Variants in CNTN5 observed in about 807,000 individuals in gnomAD.
CNTN5 encodes contactin-5.
CNTN5 carries 77 observed loss-of-function variants against 129.1 expected under a neutral mutation model. The ratio of observed to expected loss-of-function variants is 0.60; its 90% CI spans 0.50 to 0.72. CNTN5 has a LOEUF of 0.72. CNTN5 is among the 30% of genes least tolerant of loss of function. The pLI, the probability that CNTN5 is intolerant of heterozygous loss-of-function variation, is 0.00. For missense variants in CNTN5, 1,478 were observed against 1,328.8 expected (o/e 1.11, Z -1.75); for synonymous variants, 509 against 465.6 (o/e 1.09, Z -1.20).
At chr11:99,610,645 G>A (rs1426213647) in intron 3 of CNTN5, among the ~76,000 whole-genome samples, 4 of 152,150 alleles carry the variant, frequency 2.6e-5, no homozygotes, top group Admixed American at 6.6e-5. Flanking sequence ...TTACTACAAG[G>A]GAACATGTGA....
chr11:99,386,320 T>C (rs977178795), intron 2 of CNTN5, among the ~76,000 whole-genome samples: 1 of 151,968 alleles, frequency 6.6e-6, no homozygotes, highest in Non-Finnish European at 1.5e-5. Flanking sequence ...AGTAAAGGAA[T>C]AAAGAATGGC....
intron 3 of CNTN5, among the ~76,000 whole-genome samples, chr11:99,664,420 C>T (rs1461728693): frequency 6.6e-6 from 1 of 151,988 alleles, no homozygotes; most frequent in African/African-American, 2.4e-5. Flanking sequence ...GAGAGATCTC[C>T]AGGATCCAGA....
chr11:99,878,483 TA>T (rs966850869), intron 6 of CNTN5, among the ~76,000 whole-genome samples: 7 of 152,142 alleles, frequency 4.6e-5, no homozygotes, highest in African/African-American at 9.6e-5. Flanking sequence ...ATGCACATTG[TA>T]AAAAAAACTA....
intron 1 of CNTN5, among the ~76,000 whole-genome samples, chr11:99,090,196 C>T (rs116689733): frequency 0.011 from 1,648 of 152,130 alleles, 38 homozygotes; most frequent in African/African-American, 0.037. Context: ...AAAGAGACAA[C>T]GGGGATATTC....
At chr11:99,557,301 A>G (rs891946805) in intron 3 of CNTN5, among the ~76,000 whole-genome samples, 2 of 151,300 alleles carry the variant, frequency 1.3e-5, no homozygotes, top group Non-Finnish European at 3.0e-5. Context: ...CAAGATATGT[A>G]TTTATGATCA....
chr11:100,177,408 T>C lies in CNTN5; in HGVS notation c.1581-13718T>C, dbSNP rs117266909. On this transcript the variant is annotated intron_variant, in intron 13 of 24. Coordinates refer to ENST00000524871, the MANE Select transcript of CNTN5 (RefSeq NM_014361.4). ...TCTAACTCTTCCTTTCACACTGTGG[T>C]ACCTGAGGGTAGGAACTGGGTCATA... is the stretch of plus-strand genomic sequence containing the variant. Among the ~76,000 whole-genome samples, 1,158 of 152,220 alleles carry C rather than the reference T, an allele frequency of 7.6e-3. 11 individuals carry two copies. Among genetic ancestry groups the C allele is most frequent in the Non-Finnish European group, 8.2e-3 (558 of 68,008 alleles).
intron 8 of CNTN5, among the ~76,000 whole-genome samples, chr11:99,995,493 G>A (rs181199610): frequency 2.0e-5 from 3 of 152,086 alleles, no homozygotes; most frequent in Non-Finnish European, 4.4e-5. Flanking sequence ...TGGTTTTCTC[G>A]CCAAAGGTAG....
chr11:99,451,676 C>CA (rs1322146041), intron 2 of CNTN5, among the ~76,000 whole-genome samples: 1 of 152,104 alleles, frequency 6.6e-6, no homozygotes, highest in African/African-American at 2.4e-5. Context: ...ATTATCCTTA[C>CA]AGTTGATGTA....
chr11:100,083,084 G>A (rs1400371195), intron 13 of CNTN5, among the ~76,000 whole-genome samples: 8 of 152,082 alleles, frequency 5.3e-5, no homozygotes, highest in Non-Finnish European at 1.5e-5. Context: ...GGGAGGCTGA[G>A]GCAGGCGGAT....
At chr11:100,285,563 C>G (rs986561558) in intron 18 of CNTN5, among the ~76,000 whole-genome samples, 4 of 152,174 alleles carry the variant, frequency 2.6e-5, no homozygotes, top group Non-Finnish European at 4.4e-5. Flanking sequence ...GTAGCACAGA[C>G]AAGGCGAAAG....
chr11:99,570,671 G>A (rs1949148373), intron 3 of CNTN5, among the ~76,000 whole-genome samples: 1 of 152,118 alleles, frequency 6.6e-6, no homozygotes, highest in African/African-American at 2.4e-5. Context: ...CAAAATCCCT[G>A]TCTTTCTGGA....
intron 3 of CNTN5, among the ~76,000 whole-genome samples, chr11:99,710,834 A>G (rs1954955463): frequency 6.6e-6 from 1 of 151,874 alleles, no homozygotes; most frequent in South Asian, 2.1e-4. Context: ...TAGTTATAAA[A>G]TCCTTTAGAA....
intron 6 of CNTN5, among the ~76,000 whole-genome samples, chr11:99,881,095 T>C (rs1948759900): frequency 6.6e-6 from 1 of 152,168 alleles, no homozygotes; most frequent in Admixed American, 6.5e-5. Context: ...TTATTGGAAA[T>C]TCAGACAGAT....
At position 99,031,764 on chromosome 11, in the gene CNTN5, CT is replaced by C. The variant is rs926075957; in HGVS notation, c.-210+10505del. On this transcript the variant is annotated intron_variant, in intron 1 of 24. Coordinates refer to ENST00000524871, the MANE Select transcript of CNTN5 (RefSeq NM_014361.4). ...TAAATTCATGGCTTAGTTTTTCTTT[CT>C]TTTTTTTTTTATTATTATACTTTAA... 5.5e-3 allele frequency among the ~76,000 whole-genome samples: 797 copies of C among 144,594 alleles called. 11 individuals carry two copies. Among genetic ancestry groups the C allele is most frequent in the African/African-American group, 0.016 (627 of 39,686 alleles). 94.9% of individuals were successfully genotyped at this position (144,594 alleles called of 152,430 possible). A position where few individuals can be genotyped will look rare whatever the true frequency, so the allele number is the denominator to read the frequency against.
At chr11:99,933,388 G>A (rs1950235152) in intron 7 of CNTN5, among the ~76,000 whole-genome samples, 2 of 152,130 alleles carry the variant, frequency 1.3e-5, no homozygotes, top group African/African-American at 4.8e-5. Flanking sequence ...CAACTTTTAA[G>A]TGTATAATTC....
intron 8 of CNTN5, among the ~76,000 whole-genome samples, chr11:99,985,416 C>G (rs527748536): frequency 6.6e-6 from 1 of 152,162 alleles, no homozygotes; most frequent in Non-Finnish European, 1.5e-5. Flanking sequence ...AGCTGTCTCT[C>G]TGAAGTCAAG....
At chr11:100,116,251 C>A (rs1329252371) in intron 13 of CNTN5, among the ~76,000 whole-genome samples, 1 of 152,016 alleles carries the variant, frequency 6.6e-6, no homozygotes, top group Non-Finnish European at 1.5e-5. Flanking sequence ...ACTCAACAAA[C>A]AGCAGTTTTA....
chr11:99,656,950 A>C (rs1367138589), intron 3 of CNTN5, among the ~76,000 whole-genome samples: 2 of 152,098 alleles, frequency 1.3e-5, no homozygotes, highest in African/African-American at 2.4e-5. Context: ...ATTTTGAAAA[A>C]AAAAAATGTG....
intron 13 of CNTN5, among the ~76,000 whole-genome samples, chr11:100,075,578 A>G (rs1309220030): frequency 6.6e-6 from 1 of 151,844 alleles, no homozygotes; most frequent in African/African-American, 2.4e-5. Flanking sequence ...GACAAAAAGT[A>G]TGTGATCTAA....
Sources: allele counts gnomAD v4.1 joint callset (sites outside exome capture counted in the v4.1 genomes callset), GRCh38; gene constraint gnomAD v4.1.1; transcripts MANE v1.5; gene names NCBI Gene and HGNC (gene_info 2026-07-23, HGNC 2026-07-21).